The following NCR3LG1 variants were observed in gnomAD, a reference collection of about 807,000 sequenced individuals.
NCR3LG1 encodes the protein natural killer cell cytotoxicity receptor 3 ligand 1.
A neutral mutation model predicts 34.8 loss-of-function variants in NCR3LG1; 35 were observed. The ratio of observed to expected loss-of-function variants is 1.01; its 90% CI spans 0.77 to 1.33. The LOEUF is 1.33. Among genes scored for constraint, NCR3LG1 ranks in the 40% most tolerant of loss-of-function variants. The probability of loss-of-function intolerance (pLI) is 0.00; values close to 1 mark genes in which losing one functional copy is unlikely to be tolerated. For missense variants in NCR3LG1, 452 were observed against 423.3 expected, an observed-to-expected ratio of 1.07 and a Z score of -0.60; for synonymous variants, 173 against 163.6, an observed-to-expected ratio of 1.06 and a Z score of -0.44.
Position 17,362,749 on chromosome 11 carries a change from TTTCTTTCTTTCTTTCTTTCC to T in NCR3LG1, c.422-4256_422-4237del, listed in dbSNP as rs1564856502. Reference sequence around the variant, plus strand: ...CTTTCTTTCTTTCTTTCTTTCTTTCTTTCTTTCTTTCTTTCTTTCCTTCCTTCCTTCTTTCCTTCTTTCTC... The same window carrying T: ...CTTTCTTTCTTTCTTTCTTTCTTTCTTTCCTTCCTTCTTTCCTTCTTTCTC... On this transcript the variant is annotated intron_variant, in intron 2 of 4. Transcript: ENST00000338965. Among the ~76,000 whole-genome samples, 496 of 108,434 alleles carry T rather than the reference TTTCTTTCTTTCTTTCTTTCC, an allele frequency of 4.6e-3. 48 individuals are homozygous for T. Among genetic ancestry groups the T allele is most frequent in the African/African-American group, 0.028 (482 of 17,236 alleles). The allele number at this position is 108,434 out of a possible 152,430, so 71.1% of individuals were successfully genotyped here.
intron 2 of NCR3LG1, among the ~76,000 whole-genome samples, chr11:17,365,374 G>C (rs995418023): frequency 1.3e-5 from 2 of 152,166 alleles, no homozygotes; most frequent in African/African-American, 4.8e-5. Flanking sequence ...TTATACTGGA[G>C]CCCTGTTGAT....
chr11:17,356,942 G>T lies in NCR3LG1; in HGVS notation c.362G>T (p.Arg121Leu). The change falls in exon 2 of 5, where the codon CGA becomes CTA. Residue 121 changes from arginine (R) to leucine (L), a missense_variant. Coordinates refer to ENST00000338965, the MANE Select transcript of NCR3LG1 (RefSeq NM_001202439.3). ...GIQLEEAGEY[R>L]CEVVVTPLKA... ...CAGCTGGAGGAAGCAGGAGAGTACC[G>T]ATGTGAGGTGGTGGTCACCCCTCTG... 1.3e-6 allele frequency: 2 copies of T among 1,535,900 alleles called. No individual in the cohort carries two copies. The highest frequency in any genetic ancestry group is 2.4e-5 in the East Asian group (1 of 40,916).
Position 17,356,953 on chromosome 11 carries a change from G to T in NCR3LG1, c.373G>T (p.Val125Leu). ...EEAGEYRCEV[V>L]VTPLKAQGTV... ...AGCAGGAGAGTACCGATGTGAGGTG[G>T]TGGTCACCCCTCTGAAGGCACAGGG... The change falls in exon 2 of 5, where the codon GTG becomes TTG. Residue 125 changes from valine to leucine, a missense_variant. Val to Leu is a conservative substitution (Grantham distance 32, BLOSUM62 1). Coordinates refer to ENST00000338965, the MANE Select transcript of NCR3LG1 (RefSeq NM_001202439.3). 6.5e-7 allele frequency: 1 copy of T among 1,535,626 alleles called. No homozygotes were observed. The highest frequency in any genetic ancestry group is 8.7e-7 in the Non-Finnish European group (1 of 1,146,580).
chr11:17,378,012 CAG>C (rs1399373170), downstream of NCR3LG1, among the ~76,000 whole-genome samples: 5 of 152,274 alleles, frequency 3.3e-5, no homozygotes, highest in East Asian at 9.6e-4. Flanking sequence ...ATTCTATAGT[CAG>C]AGGCCTATTC....
At chr11:17,353,755 C>G (rs1057315959) in intron 1 of NCR3LG1, among the ~76,000 whole-genome samples, 2 of 152,224 alleles carry the variant, frequency 1.3e-5, no homozygotes, top group Non-Finnish European at 2.9e-5. Context: ...AGTTCCGGCT[C>G]GTCCAGCCAC....
rs554065453 is a variant in NCR3LG1, at chr11:17,372,031, A to G, written c.884A>G (p.Tyr295Cys). The change falls in exon 5 of 5, where the codon TAT becomes TGT. Residue 295 changes from tyrosine to cysteine, a missense_variant. Tyr to Cys is a radical substitution (Grantham distance 194, BLOSUM62 -2). Transcript: ENST00000338965. ...ATATGTAACAAATCATCTTCAGCCT[A>G]TACTCCTCTCAAGTGCATTCTGAAA... is the stretch of plus-strand genomic sequence containing the variant. ...KKICNKSSSA[Y>C]TPLKCILKHW... The G allele has an allele frequency of 9.7e-4, 684 of 702,230 alleles. 12 individuals carry two copies. Among genetic ancestry groups the G allele is most frequent in the South Asian group, 8.8e-3 (598 of 67,574 alleles). 43.5% of individuals were successfully genotyped at this position (702,230 alleles called of 1,614,324 possible).
intron 4 of NCR3LG1, among the ~76,000 whole-genome samples, chr11:17,371,600 T>C (rs999995327): frequency 1.3e-5 from 2 of 152,182 alleles, no homozygotes; most frequent in Non-Finnish European, 2.9e-5. Flanking sequence ...AATCAATCAG[T>C]CTCATTCTCT....
At position 17,356,762 on chromosome 11, in the gene NCR3LG1, T is replaced by C; in HGVS notation, c.182T>C (p.Met61Thr). The change falls in exon 2 of 5, where the codon ATG becomes ACG. Residue 61 changes from methionine to threonine, a missense_variant. Transcript: ENST00000338965. ...FYSQPLNITS[M>T]GITWFWKSLT... ...TCCCAACCCCTCAACATCACGTCTA[T>C]GGGTATCACCTGGTTTTGGAAGAGT... The C allele has an allele frequency of 6.5e-7, 1 of 1,536,410 alleles. No individual in the cohort carries two copies. Among genetic ancestry groups the C allele is most frequent in the Non-Finnish European group, 8.7e-7 (1 of 1,146,956 alleles).
chr11:17,362,607 T>C (rs959448677), intron 2 of NCR3LG1, among the ~76,000 whole-genome samples: 4 of 151,206 alleles, frequency 2.6e-5, no homozygotes, highest in Non-Finnish European at 4.4e-5. Context: ...CCTGGTGCTT[T>C]CCTTTTTGGA....
chr11:17,353,344 G>A (rs1430002812), intron 1 of NCR3LG1, among the ~76,000 whole-genome samples: 1 of 152,248 alleles, frequency 6.6e-6, no homozygotes, highest in Non-Finnish European at 1.5e-5. Context: ...AGACAGTTCC[G>A]AGTGAAGTGT....
intron 1 of NCR3LG1, among the ~76,000 whole-genome samples, chr11:17,353,135 T>C (rs1953158373): frequency 6.6e-6 from 1 of 152,122 alleles, no homozygotes; most frequent in Admixed American, 6.5e-5. Flanking sequence ...GAACGGATGT[T>C]GAAGGCGTAG....
Position 17,367,198 on chromosome 11 carries a change from A to G in NCR3LG1, c.611A>G (p.Asp204Gly), listed in dbSNP as rs779094418. 3 of 1,536,494 alleles carry G rather than the reference A, an allele frequency of 2.0e-6. No homozygotes were observed. The part of the protein sequence containing the change: ...VITGPTIKNM[D>G]GTFNVTSCLK... ...ACTGGTCCCACCATCAAGAATATGG[A>G]TGGCACATTTAATGTCACTAGCTGC... is the stretch of plus-strand genomic sequence containing the variant. The change falls in exon 3 of 5, where the codon GAT becomes GGT. Residue 204 changes from aspartate (D) to glycine (G), a missense_variant. Physicochemically the swap from Asp to Gly is moderately conservative, Grantham distance 94. Transcript: ENST00000338965.
In NCR3LG1 at chr11:17,356,978, G is replaced by A; in HGVS notation, c.398G>A (p.Gly133Glu). 2 of 1,529,688 alleles carry A rather than the reference G, an allele frequency of 1.3e-6. No homozygotes were observed. The highest frequency in any genetic ancestry group is 1.4e-5 in the African/African-American group (1 of 73,010). The allele number at this position is 1,529,688 out of a possible 1,614,324, so 94.8% of individuals were successfully genotyped here. ...EVVVTPLKAQ[G>E]TVQLEVVASP... ...GTGGTCACCCCTCTGAAGGCACAGG[G>A]AACAGTCCAGCTTGAAGTTGTGGGT... is the stretch of plus-strand genomic sequence containing the variant. Residue 133 changes from glycine (G) to glutamate (E), a missense_variant, in exon 2 of 5, where the codon GGA becomes GAA. Gly to Glu is a moderately conservative substitution (Grantham distance 98). Coordinates refer to ENST00000338965, the MANE Select transcript of NCR3LG1 (RefSeq NM_001202439.3).
chr11:17,363,053 T>C (rs1953299986), intron 2 of NCR3LG1, among the ~76,000 whole-genome samples: 1 of 150,096 alleles, frequency 6.7e-6, no homozygotes, highest in African/African-American at 2.5e-5. Context: ...CTGGAATAGC[T>C]GGGACCACAG....
At chr11:17,360,564 T>C (rs990740459) in intron 2 of NCR3LG1, among the ~76,000 whole-genome samples, 1 of 152,064 alleles carries the variant, frequency 6.6e-6, no homozygotes, top group African/African-American at 2.4e-5. Flanking sequence ...TTAATTTTTG[T>C]GAAAAGTGTA....
At chr11:17,379,540 T>C (rs9633836), downstream of NCR3LG1, among the ~76,000 whole-genome samples, 35,679 of 151,970 alleles carry the variant, frequency 0.23, 5,090 homozygotes, top group East Asian at 0.54. Context: ...CCTCGTGTGC[T>C]TCTAATGGTG....
chr11:17,371,220 C>T (rs1953402321), intron 4 of NCR3LG1, among the ~76,000 whole-genome samples: 1 of 152,148 alleles, frequency 6.6e-6, no homozygotes, highest in African/African-American at 2.4e-5. Flanking sequence ...ACCTCCCTTT[C>T]TGACCTCTGC....
intron 4 of NCR3LG1, among the ~76,000 whole-genome samples, chr11:17,369,176 C>T (rs1017435107): frequency 2.0e-5 from 3 of 152,186 alleles, no homozygotes; most frequent in Non-Finnish European, 4.4e-5. Context: ...CATCTGACCT[C>T]TGTATGGTGG....
Position 17,369,112 on chromosome 11 carries a change from G to A in NCR3LG1, c.858+148G>A. On this transcript the variant is annotated intron_variant, in intron 4 of 4. Coordinates refer to ENST00000338965, the MANE Select transcript of NCR3LG1 (RefSeq NM_001202439.3). ...CTCTTCACCATCAGGTGTTGGGAAT[G>A]TTGGCTGTGTTCCAATCCAGTTTCC... 6.6e-6 allele frequency: 4 copies of A among 603,638 alleles called. No individual in the cohort carries two copies. In the South Asian group the frequency reaches 8.6e-5, roughly 13 times the overall value. 37.4% of individuals were successfully genotyped at this position (603,638 alleles called of 1,614,324 possible).
Sources: allele counts gnomAD v4.1 joint callset (sites outside exome capture counted in the v4.1 genomes callset), GRCh38; gene constraint gnomAD v4.1.1; transcripts MANE v1.5; gene names NCBI Gene and HGNC (gene_info 2026-07-23, HGNC 2026-07-21).